KCNMB1: variants seen among roughly 807,000 people sequenced by gnomAD.
KCNMB1 encodes calcium-activated potassium channel subunit beta-1.
In KCNMB1, 22 loss-of-function variants were observed where a neutral mutation model predicts 21.7. The ratio of observed to expected loss-of-function variants is 1.01; its 90% CI spans 0.72 to 1.45. The LOEUF (loss-of-function observed/expected upper bound fraction) is 1.45. KCNMB1 is among the 40% of genes most tolerant of loss of function. The probability of loss-of-function intolerance (pLI) is 0.00; values close to 1 mark genes in which losing one functional copy is unlikely to be tolerated. For missense variants in KCNMB1, 243 were observed against 243.4 expected (o/e 1.00, Z 0.01); for synonymous variants, 114 against 107.6 (o/e 1.06, Z -0.37).
At chr5:170,385,807 T>C (rs1395034828) in intron 1 of KCNMB1, among the ~76,000 whole-genome samples, 1 of 152,060 alleles carries the variant, frequency 6.6e-6, no homozygotes, top group Admixed American at 6.5e-5. Flanking sequence ...GCAATGACTT[T>C]GCAGAAATGA....
Position 170,378,609 on chromosome 5 carries a change from G to A in KCNMB1, c.*95C>T, listed in dbSNP as rs1303863527. On this transcript the variant is annotated 3_prime_UTR_variant, in exon 4 of 4. Transcript: ENST00000274629. ...ATTGGACTGGAAGAGTGGGAGGGCA[G>A]GTGGAGAAGGCATTGTGCTGCAAGT... 2.5e-5 allele frequency: 32 copies of A among 1,296,096 alleles called. No individual in the cohort carries two copies. Among genetic ancestry groups the A allele is most frequent in the Non-Finnish European group, 3.3e-5 (31 of 937,802 alleles). The allele number at this position is 1,296,096 out of a possible 1,614,324, so 80.3% of individuals were successfully genotyped here. A position where few individuals can be genotyped will look rare whatever the true frequency, so the allele number is the denominator to read the frequency against.
rs7713416 is a variant in KCNMB1, at chr5:170,385,409, C to T, written c.39G>A (p.Glu13=). ...KKLVMAQKRG[E]TRALCLGVTM... ...TTACACCCAGGCAAAGGGCTCGTGT[C>T]TCTCCCCGCTTCTGGGCCATCACCA... Residue 13 remains glutamate (E), a synonymous_variant, in exon 2 of 4, where the codon GAG becomes GAA. Transcript: ENST00000274629. 6.2e-7 allele frequency: 1 copy of T among 1,614,110 alleles called. No homozygotes were observed. Among genetic ancestry groups the T allele is most frequent in the Non-Finnish European group, 8.5e-7 (1 of 1,180,020 alleles).
chr5:170,383,505 C>G, intron 3 of KCNMB1, 174 bp downstream of exon 3: 1 of 716,946 alleles, frequency 1.4e-6, no homozygotes, highest in South Asian at 1.7e-5. Flanking sequence ...GATTCAAACC[C>G]AGGTCTGTGT....
rs1764244872 is a variant in KCNMB1 at position 170,381,624 on chromosome 5, C to T, written c.306+2055G>A. ...CTGCAGCCTGCTATCAGCACCACAC[C>T]TGGTCAAGCCTGGGCGGCAGGGGAG... On this transcript the variant is annotated intron_variant, in intron 3 of 3. Coordinates refer to ENST00000274629, the MANE Select transcript of KCNMB1 (RefSeq NM_004137.4). Among the ~76,000 whole-genome samples the T allele has an allele frequency of 2.0e-5, 3 of 152,340 alleles. No homozygotes were observed. In the South Asian group the frequency reaches 6.2e-4, roughly 32 times the overall value.
In KCNMB1 at chr5:170,385,432, C is replaced by G; in HGVS notation, c.16G>C (p.Val6Leu). 6.2e-7 allele frequency: 1 copy of G among 1,614,158 alleles called. No individual in the cohort carries two copies. Among genetic ancestry groups the G allele is most frequent in the Non-Finnish European group, 8.5e-7 (1 of 1,180,014 alleles). MVKKLVMAQKRGETRA... is the reference protein window; with the variant it reads MVKKLLMAQKRGETRA... ...GTCTCTCCCCGCTTCTGGGCCATCA[C>G]CAGCTTCTTCACCATATTCACTGGG... The change falls in exon 2 of 4, where the codon GTG becomes CTG. Residue 6 changes from valine to leucine, a missense_variant. Coordinates refer to ENST00000274629, the MANE Select transcript of KCNMB1 (RefSeq NM_004137.4).
chr5:170,385,126 A>G (rs1341248665), intron 2 of KCNMB1, among the ~76,000 whole-genome samples, 188 bp downstream of exon 2: 1 of 152,140 alleles, frequency 6.6e-6, no homozygotes, highest in East Asian at 1.9e-4. Flanking sequence ...AGAATCTCAG[A>G]CCAGTGGGGC....
At chr5:170,383,258 CT>C (rs1287620847) in intron 3 of KCNMB1, 1 of 335,506 alleles carries the variant, frequency 3.0e-6, no homozygotes, top group Non-Finnish European at 5.5e-6. Flanking sequence ...GGATCTGGCC[CT>C]GGGCCTGGTC....
chr5:170,385,300 G>T lies in KCNMB1; in HGVS notation c.134+14C>A, dbSNP rs370015231. ...AGAGGGTTGGGGGGTGGGCAGGCCG[G>T]GAGAGCTCAGTACCTTTTCTGGTAG... On this transcript the variant is annotated intron_variant, in intron 2 of 3. Coordinates refer to ENST00000274629, the MANE Select transcript of KCNMB1 (RefSeq NM_004137.4). The T allele has an allele frequency of 1.8e-5, 29 of 1,613,882 alleles. No homozygotes were observed. The highest frequency in any genetic ancestry group is 2.4e-5 in the Non-Finnish European group (28 of 1,179,946).
chr5:170,383,988 C>T, intron 2 of KCNMB1, 138 bp from the exon 3 acceptor site: 9 of 820,158 alleles, frequency 1.1e-5, no homozygotes, highest in Non-Finnish European at 1.7e-5. Context: ...CAGCATCCAG[C>T]AATAAAGGCA....
Position 170,378,993 on chromosome 5 carries a change from C to A in KCNMB1, c.307-20G>T. ...GGAGCACTGTGGGGAGAAACAAGAG[C>A]AGCTGTGGGCTTGGAAATCCCCATT... On this transcript the variant is annotated intron_variant, in intron 3 of 3. Coordinates refer to ENST00000274629, the MANE Select transcript of KCNMB1 (RefSeq NM_004137.4). 1 of 1,608,128 alleles carries A rather than the reference C, an allele frequency of 6.2e-7. No individual in the cohort carries two copies.
At position 170,378,865 on chromosome 5, in the gene KCNMB1, G is replaced by C. The variant is rs750048754; in HGVS notation, c.415C>G (p.Pro139Ala). Residue 139 changes from proline (P) to alanine (A), a missense_variant, in exon 4 of 4, where the codon CCT becomes GCT. Pro to Ala is a conservative substitution (Grantham distance 27, BLOSUM62 -1). Coordinates refer to ENST00000274629, the MANE Select transcript of KCNMB1 (RefSeq NM_004137.4). ...AGGACGCTGGTTTCGTTCCCCCGAG[G>C]TGCGGAGAAGCAGTAGAAGACCTGC... ...EQQVFYCFSA[P>A]RGNETSVLFQ... 3.1e-6 allele frequency: 5 copies of C among 1,614,266 alleles called. No homozygotes were observed. Among genetic ancestry groups the C allele is most frequent in the Non-Finnish European group, 4.2e-6 (5 of 1,180,050 alleles).
At chr5:170,380,755 G>A (rs1010135909) in intron 3 of KCNMB1, among the ~76,000 whole-genome samples, 2 of 152,206 alleles carry the variant, frequency 1.3e-5, no homozygotes, top group East Asian at 1.9e-4. Flanking sequence ...GCCTCTGACT[G>A]TGACCTTGGC....
At chr5:170,384,863 A>G (rs1402019645) in intron 2 of KCNMB1, among the ~76,000 whole-genome samples, 2 of 152,236 alleles carry the variant, frequency 1.3e-5, no homozygotes, top group African/African-American at 4.8e-5. Context: ...CATGAAATGT[A>G]TGTTCAGTGA....
In KCNMB1 at chr5:170,385,523, C is replaced by T. The variant is rs200683050; in HGVS notation, c.-24-52G>A. ...GAGATCAGCCCAGTTCACAGGTGAT[C>T]CACAGAAAGAGAGGACAGGTGAGAG... On this transcript the variant is annotated intron_variant, in intron 1 of 3. Transcript: ENST00000274629. 44 of 1,548,910 alleles carry T rather than the reference C, an allele frequency of 2.8e-5. No individual in the cohort carries two copies. In the East Asian group the frequency reaches 8.8e-4, roughly 31 times the overall value.
In KCNMB1 at chr5:170,375,820, A is replaced by T. The variant is rs1216068850; in HGVS notation, c.*2884T>A. On this transcript the variant is annotated 3_prime_UTR_variant, in exon 4 of 4. Transcript: ENST00000274629. ...GGAAATTTACATAAAAATTTGTTTCATGCCAAAACTCTATGGAAAGATACT... is the reference window on the plus strand; with the variant it reads ...GGAAATTTACATAAAAATTTGTTTCTTGCCAAAACTCTATGGAAAGATACT... 6.6e-6 allele frequency: 1 copy of T among 152,242 alleles called. No individual in the cohort carries two copies. The highest frequency in any genetic ancestry group is 2.4e-5 in the African/African-American group (1 of 41,458). The allele number at this position is 152,242 out of a possible 1,614,324, so 9.4% of individuals were successfully genotyped here. A position where few individuals can be genotyped will look rare whatever the true frequency, so the allele number is the denominator to read the frequency against.
At chr5:170,382,013 C>T (rs975053066) in intron 3 of KCNMB1, among the ~76,000 whole-genome samples, 1 of 152,110 alleles carries the variant, frequency 6.6e-6, no homozygotes, top group Non-Finnish European at 1.5e-5. Flanking sequence ...CAAGATCCCC[C>T]AGCCTCCACG....
chr5:170,386,907 G>A (rs543993026), intron 1 of KCNMB1, among the ~76,000 whole-genome samples: 75 of 152,078 alleles, frequency 4.9e-4, no homozygotes, highest in African/African-American at 1.7e-3. Context: ...CCCAATGCAA[G>A]CAAAGATTCC....
chr5:170,385,243 C>T, intron 2 of KCNMB1, 71 bp downstream of exon 2: 1 of 1,556,986 alleles, frequency 6.4e-7, no homozygotes, highest in Non-Finnish European at 8.8e-7. Context: ...GAGTAGAAGG[C>T]CAGGGTTCCT....
Position 170,383,852 on chromosome 5 carries a change from T to C in KCNMB1, c.135-2A>G. The C allele has an allele frequency of 1.9e-6, 3 of 1,613,674 alleles. No homozygotes were observed. The highest frequency in any genetic ancestry group is 1.7e-6 in the Non-Finnish European group (2 of 1,179,850). On this transcript the variant is annotated splice_acceptor_variant, in intron 2 of 3. Coordinates refer to ENST00000274629, the MANE Select transcript of KCNMB1 (RefSeq NM_004137.4). LOFTEE classifies it high-confidence loss of function. ...CACTTGGATTCCTGGGTCCACACGC[T>C]GAGGAGACCACACACATGCACACAT... is the stretch of plus-strand genomic sequence containing the variant.
Sources: gnomAD v4.1 joint callset for allele counts (sites outside exome capture counted in the v4.1 genomes callset) on GRCh38, gnomAD v4.1.1 for gene constraint, MANE v1.5 for transcripts, NCBI Gene and HGNC (gene_info 2026-07-23, HGNC 2026-07-21) for gene names.